REV3L: variants seen among roughly 807,000 people sequenced by gnomAD.
REV3L encodes DNA polymerase zeta catalytic subunit.
In REV3L, 69 loss-of-function variants were observed where a neutral mutation model predicts 299.4. The ratio of observed to expected loss-of-function variants is 0.23; its 90% CI spans 0.19 to 0.28. REV3L has a LOEUF of 0.28. REV3L is among the 10% of genes least tolerant of loss of function. The pLI is 1.00. For missense variants in REV3L, 3,128 were observed against 3,693.8 expected, an observed-to-expected ratio of 0.85 and a Z score of 3.97; for synonymous variants, 1,238 against 1,271.4, an observed-to-expected ratio of 0.97 and a Z score of 0.56.
intron 1 of REV3L, among the ~76,000 whole-genome samples, chr6:111,459,043 C>A (rs1790463495): frequency 6.6e-6 from 1 of 152,054 alleles, no homozygotes; most frequent in Non-Finnish European, 1.5e-5. Context: ...CACTACAAAG[C>A]TACAGTAACC....
At chr6:111,454,119 T>C (rs537588220) in intron 1 of REV3L, among the ~76,000 whole-genome samples, 1 of 151,352 alleles carries the variant, frequency 6.6e-6, no homozygotes, top group Non-Finnish European at 1.5e-5. Flanking sequence ...TTTTTTTTTT[T>C]AATAATAGAG....
intron 2 of REV3L, among the ~76,000 whole-genome samples, chr6:111,412,595 G>C (rs1239553131): frequency 6.6e-6 from 1 of 151,944 alleles, no homozygotes; most frequent in Non-Finnish European, 1.5e-5. Context: ...GTTCCCTTAT[G>C]ACAGGCAGCA....
chr6:111,371,778 G>A (rs1349801656), intron 13 of REV3L, among the ~76,000 whole-genome samples: 2 of 152,050 alleles, frequency 1.3e-5, no homozygotes, highest in African/African-American at 4.8e-5. Flanking sequence ...TGGCCAGGCT[G>A]GTCTTGAACT....
At chr6:111,325,146 C>T (rs1774640443) in intron 25 of REV3L, among the ~76,000 whole-genome samples, 1 of 152,214 alleles carries the variant, frequency 6.6e-6, no homozygotes, top group Non-Finnish European at 1.5e-5. Context: ...CAGGCGTGAG[C>T]CACTGCACCT....
chr6:111,453,694 T>C (rs1176491459), intron 1 of REV3L, among the ~76,000 whole-genome samples: 2 of 152,108 alleles, frequency 1.3e-5, no homozygotes, highest in Non-Finnish European at 2.9e-5. Context: ...TTTAAAGTTA[T>C]GTGCTACAGC....
intron 1 of REV3L, chr6:111,431,144 G>A: frequency 6.5e-7 from 1 of 1,527,018 alleles, no homozygotes; most frequent in Middle Eastern, 2.4e-4. Context: ...GATCTTCCAA[G>A]CGATCTCAGC....
rs56064070 is a variant in REV3L at position 111,456,650 on chromosome 6, C to T, written c.139+26100G>A. Among the ~76,000 whole-genome samples the T allele has an allele frequency of 1.6e-3, 237 of 152,174 alleles. 3 individuals are homozygous for T. Among genetic ancestry groups the T allele is most frequent in the African/African-American group, 5.2e-3 (214 of 41,540 alleles). ...TTTAAAAATGCATATAACTAGTTCC[C>T]CCAAAACAATCTTTTCTCAGATACT... is the stretch of plus-strand genomic sequence containing the variant. On this transcript the variant is annotated intron_variant, in intron 1 of 31. Transcript: ENST00000368802.
intron 22 of REV3L, among the ~76,000 whole-genome samples, chr6:111,334,613 T>C (rs1322159677): frequency 2.0e-5 from 3 of 152,168 alleles, no homozygotes; most frequent in Non-Finnish European, 4.4e-5. Context: ...GAAAAAAAAT[T>C]ACTCACAAGA....
chr6:111,319,756 T>TA (rs1478775113), intron 26 of REV3L, among the ~76,000 whole-genome samples: 2 of 152,288 alleles, frequency 1.3e-5, no homozygotes, highest in Admixed American at 1.3e-4. Flanking sequence ...AATGACTTAT[T>TA]AATGGTTATG....
At chr6:111,432,476 TA>T (rs1262872403) in intron 1 of REV3L, among the ~76,000 whole-genome samples, 1 of 152,180 alleles carries the variant, frequency 6.6e-6, no homozygotes, top group East Asian at 1.9e-4. Context: ...TATGTATTGA[TA>T]AAAGGGTCAA....
In REV3L at chr6:111,375,003, T is replaced by C; in HGVS notation, c.3352A>G (p.Thr1118Ala). 2 of 1,613,372 alleles carry C rather than the reference T, an allele frequency of 1.2e-6. No individual in the cohort carries two copies. Among genetic ancestry groups the C allele is most frequent in the East Asian group, 2.2e-5 (1 of 44,884 alleles). ...GGTGGAGAAGAATTTATGGGACTTG[T>C]GCTTCTCTCAGAAAGAAAACCTAGT... ...SKLGFLSERS[T>A]SPINSSPPRC... The change falls in exon 13 of 32, where the codon ACA (threonine) becomes GCA (alanine). Residue 1118 changes from threonine (T) to alanine (A), a missense_variant. By Grantham distance (58) the Thr-to-Ala change is moderately conservative. Coordinates refer to ENST00000368802, the MANE Select transcript of REV3L (RefSeq NM_001372078.1).
At chr6:111,366,180 G>A (rs17539727) in intron 14 of REV3L, among the ~76,000 whole-genome samples, 3,424 of 152,276 alleles carry the variant, frequency 0.022, 42 homozygotes, top group South Asian at 0.038. Flanking sequence ...GTGGAGGCAT[G>A]TATATATAAG....
Position 111,329,684 on chromosome 6 carries a change from T to C in REV3L, c.8089A>G (p.Arg2697Gly). ...TTCATTGACTGCTTCACCATAAATC[T>C]AGTCTTCAAAATTTCTTCAAGCATT... ...PRMLEEILKT[R>G]FMVKQSMKAY... The change falls in exon 25 of 32, where the codon AGA (arginine) becomes GGA (glycine). Residue 2697 changes from arginine (R) to glycine (G), a missense_variant. By Grantham distance (125) the Arg-to-Gly change is moderately radical. Around this residue, in one of 9 missense-constraint regions of REV3L, gnomAD observed 53 missense variants for 57.4 expected, o/e 0.92. Transcript: ENST00000368802. 1 of 1,613,964 alleles carries C rather than the reference T, an allele frequency of 6.2e-7. No individual in the cohort carries two copies. Among genetic ancestry groups the C allele is most frequent in the Non-Finnish European group, 8.5e-7 (1 of 1,180,028 alleles).
At chr6:111,453,871 A>T (rs764702254) in intron 1 of REV3L, among the ~76,000 whole-genome samples, 1 of 152,204 alleles carries the variant, frequency 6.6e-6, no homozygotes, top group Non-Finnish European at 1.5e-5. Flanking sequence ...CTGTGGTCCC[A>T]GCTACCTGGG....
chr6:111,444,842 G>T (rs980073023), intron 1 of REV3L, among the ~76,000 whole-genome samples: 1 of 152,136 alleles, frequency 6.6e-6, no homozygotes, highest in African/African-American at 2.4e-5. Flanking sequence ...TTTGTCATTA[G>T]AAAAATTTCA....
chr6:111,482,993 G>A lies in REV3L; in HGVS notation c.-105C>T. ...GGCGGCGGCGCCCCCTCCCCTTCTC[G>A]GCACGGCCCCCTCCCCTCACACAGA... is the stretch of plus-strand genomic sequence containing the variant. On this transcript the variant is annotated 5_prime_UTR_variant, in exon 1 of 32. Coordinates refer to ENST00000368802, the MANE Select transcript of REV3L (RefSeq NM_001372078.1). 7.6e-7 allele frequency: 1 copy of A among 1,321,126 alleles called. No homozygotes were observed. The highest frequency in any genetic ancestry group is 9.8e-7 in the Non-Finnish European group (1 of 1,016,712). 81.8% of individuals were successfully genotyped at this position (1,321,126 alleles called of 1,614,324 possible).
chr6:111,310,840 T>C (rs1298372056), intron 29 of REV3L: 4 of 404,658 alleles, frequency 9.9e-6, no homozygotes, highest in African/African-American at 2.0e-5. Context: ...AATCAAGGAC[T>C]GTGTCACAAT....
Position 111,373,046 on chromosome 6 carries a change from C to G in REV3L, c.5309G>C (p.Cys1770Ser). The G allele has an allele frequency of 6.2e-7, 1 of 1,614,140 alleles. No individual in the cohort carries two copies. Among genetic ancestry groups the G allele is most frequent in the Non-Finnish European group, 8.5e-7 (1 of 1,179,998 alleles). ...ATTCAATCTAGATTTTTCACTTAGA[C>G]AGTCTTCTGCCTGCTGAACACAGAA... ...DSFCVQQAED[C>S]LSEKSRLNRS... is the part of the protein sequence containing the mutation. Residue 1770 changes from cysteine to serine, a missense_variant, in exon 13 of 32, where the codon TGT becomes TCT. Around this residue, in one of 9 missense-constraint regions of REV3L, gnomAD observed 2,409 missense variants for 2,611.8 expected, o/e 0.92. Transcript: ENST00000368802.
chr6:111,320,027 C>T (rs562731521), intron 26 of REV3L, among the ~76,000 whole-genome samples: 7 of 150,788 alleles, frequency 4.6e-5, no homozygotes, highest in South Asian at 4.2e-4. Context: ...CCACCTGCCT[C>T]GGCCTCCCAA....
Sources: gnomAD v4.1 joint callset for allele counts (sites outside exome capture counted in the v4.1 genomes callset) on GRCh38, gnomAD v4.1.1 for gene constraint, gnomAD v4.1.1 regional missense constraint, MANE v1.5 for transcripts, NCBI Gene and HGNC (gene_info 2026-07-23, HGNC 2026-07-21) for gene names.